The following ACAN variants were observed in gnomAD, a reference collection of about 807,000 sequenced individuals.
ACAN encodes aggrecan, also known as aggrecan core protein.
Under a neutral mutation model 169.1 loss-of-function variants are expected in ACAN, and 47 were observed. That is an observed-to-expected ratio of 0.28 (90% CI 0.22 to 0.35). The LOEUF (loss-of-function observed/expected upper bound fraction) is 0.35, where lower values mean the gene tolerates loss of function less well. ACAN is among the 10% of genes least tolerant of loss of function. ACAN has a pLI of 1.00. For missense variants in ACAN, 2,716 were observed against 2,759.9 expected, an observed-to-expected ratio of 0.98 and a Z score of 0.36; for synonymous variants, 1,115 against 1,112.2, an observed-to-expected ratio of 1.00 and a Z score of -0.05.
intron 5 of ACAN, among the ~76,000 whole-genome samples, chr15:88,842,682 A>G (rs1896695436): frequency 6.6e-6 from 1 of 152,190 alleles, no homozygotes; most frequent in Admixed American, 6.5e-5. Context: ...GTAACAAGTT[A>G]TTTGTGTGTT....
Position 88,849,713 on chromosome 15 carries a change from C to G in ACAN, c.2008C>G (p.His670Asp). 6.2e-7 allele frequency: 1 copy of G among 1,613,832 alleles called. No homozygotes were observed. Among genetic ancestry groups the G allele is most frequent in the South Asian group, 1.1e-5 (1 of 91,080 alleles). ...CCTCCCAGACCCACTGTCCCGGCAC[C>G]ATGCCTTCTGCTTCCGAGGTATGCA... ...TGLPDPLSRH[H>D]AFCFRGISAV... Residue 670 changes from histidine (H) to aspartate (D), a missense_variant, in exon 10 of 19, where the codon CAT (histidine) becomes GAT (aspartate). This residue lies in a region of ACAN where 1,283 missense variants were observed against 1,281.5 expected (regional missense o/e 1.00). Transcript: ENST00000560601. This position sits in a 1 kb window ranked among gnomAD's most constrained non-coding sequence, Gnocchi z 5.1.
Position 88,855,414 on chromosome 15 carries a change from C to T in ACAN, c.2829C>T (p.Ile943=). 6.2e-7 allele frequency: 1 copy of T among 1,613,810 alleles called. No homozygotes were observed. The highest frequency in any genetic ancestry group is 8.5e-7 in the Non-Finnish European group (1 of 1,179,848). ...TVGELPSGAE[I]LEGSASGVGD... ...GTGAACTGCCCTCTGGAGCTGAGAT[C>T]CTAGAGGGCTCTGCCTCTGGAGTTG... Residue 943 remains isoleucine, a synonymous_variant, in exon 12 of 19, where the codon ATC becomes ATT. Transcript: ENST00000560601.
At position 88,874,274 on chromosome 15, in the gene ACAN, A is replaced by G; in HGVS notation, c.7631-131A>G. The G allele has an allele frequency of 9.3e-7, 1 of 1,071,650 alleles. No individual in the cohort carries two copies. Among genetic ancestry groups the G allele is most frequent in the Non-Finnish European group, 1.4e-6 (1 of 718,724 alleles). The allele number at this position is 1,071,650 out of a possible 1,614,324, so 66.4% of individuals were successfully genotyped here. On this transcript the variant is annotated intron_variant, in intron 18 of 18. Coordinates refer to ENST00000560601, the MANE Select transcript of ACAN (RefSeq NM_001369268.1). This position sits in a 1 kb window ranked among gnomAD's most constrained non-coding sequence, Gnocchi z 7.3. ...AAGTCCAAGAAAAATCCAAATCAGGAAAGCCGATAAAGCCTCAGGCGCCTG... is the reference window on the plus strand; with the variant it reads ...AAGTCCAAGAAAAATCCAAATCAGGGAAGCCGATAAAGCCTCAGGCGCCTG...
At chr15:88,806,619 G>A (rs1895689871) in intron 1 of ACAN, among the ~76,000 whole-genome samples, 1 of 152,136 alleles carries the variant, frequency 6.6e-6, no homozygotes, top group Non-Finnish European at 1.5e-5. Flanking sequence ...AAAATGCTAG[G>A]ATTCAGGCGT....
At position 88,874,726 on chromosome 15, in the gene ACAN, T is replaced by A. The variant is rs531189005; in HGVS notation, c.*245T>A. The A allele has an allele frequency of 1.1e-4, 61 of 569,552 alleles. No homozygotes were observed. Among genetic ancestry groups the A allele is most frequent in the African/African-American group, 1.0e-3 (56 of 53,624 alleles). 35.3% of individuals were successfully genotyped at this position (569,552 alleles called of 1,614,324 possible). A position where few individuals can be genotyped will look rare whatever the true frequency, so the allele number is the denominator to read the frequency against. ...AACTTATTATAACCCTTGGACTGAG[T>A]TTAGAGACATTTCTTCAATTTCCCA... On this transcript the variant is annotated 3_prime_UTR_variant, in exon 19 of 19. Coordinates refer to ENST00000560601, the MANE Select transcript of ACAN (RefSeq NM_001369268.1). The surrounding 1 kb of genome is among the most constrained non-coding windows in gnomAD (Gnocchi z 7.3).
intron 4 of ACAN, among the ~76,000 whole-genome samples, chr15:88,840,401 G>A (rs541864610): frequency 2.2e-4 from 33 of 152,342 alleles, no homozygotes; most frequent in African/African-American, 7.5e-4. Flanking sequence ...CAAATGGGAT[G>A]AGGGACTGCT....
At position 88,857,373 on chromosome 15, in the gene ACAN, G is replaced by A; in HGVS notation, c.4788G>A (p.Leu1596=). ...LSGLPSGKED[L]VGSASGDLDL... is the part of the protein sequence containing the mutation. ...GGTTGCCTTCTGGAAAAGAAGACTTGGTGGGGTCAGCTTCTGGAGACTTGG... is the reference window on the plus strand; with the variant it reads ...GGTTGCCTTCTGGAAAAGAAGACTTAGTGGGGTCAGCTTCTGGAGACTTGG... Residue 1596 remains leucine (L), a synonymous_variant, in exon 12 of 19, where the codon TTG becomes TTA. Transcript: ENST00000560601. 2 of 1,613,908 alleles carry A rather than the reference G, an allele frequency of 1.2e-6. No homozygotes were observed. Among genetic ancestry groups the A allele is most frequent in the East Asian group, 4.5e-5 (2 of 44,884 alleles).
Position 88,857,650 on chromosome 15 carries a change from G to A in ACAN, c.5065G>A (p.Ala1689Thr), listed in dbSNP as rs758186439. Residue 1689 changes from alanine (A) to threonine (T), a missense_variant, in exon 12 of 19, where the codon GCA becomes ACA. Ala to Thr is a moderately conservative substitution (Grantham distance 58). Around this residue, in one of 3 missense-constraint regions of ACAN, gnomAD observed 1,389 missense variants for 1,363.7 expected, o/e 1.02. Transcript: ENST00000560601. ...EGRGTIGISG[A>T]GEISGLPSSE... ...GAGGGGAACCATTGGCATCAGTGGT[G>A]CAGGAGAAATATCTGGACTGCCCTC... is the stretch of plus-strand genomic sequence containing the variant. The A allele has an allele frequency of 1.2e-6, 2 of 1,614,036 alleles. No individual in the cohort carries two copies. The highest frequency in any genetic ancestry group is 1.7e-6 in the Non-Finnish European group (2 of 1,179,904).
At chr15:88,831,121 C>G (rs904807236) in intron 1 of ACAN, among the ~76,000 whole-genome samples, 1 of 152,202 alleles carries the variant, frequency 6.6e-6, no homozygotes, top group Non-Finnish European at 1.5e-5. Flanking sequence ...TTCAAACTAC[C>G]AGTGTGATGT....
At chr15:88,817,891 A>G (rs1840686771) in intron 1 of ACAN, among the ~76,000 whole-genome samples, 1 of 151,836 alleles carries the variant, frequency 6.6e-6, no homozygotes, top group Non-Finnish European at 1.5e-5. Flanking sequence ...AAAAGGAAAA[A>G]AAAGAAAAAA....
At chr15:88,819,456 C>T (rs1474024236) in intron 1 of ACAN, among the ~76,000 whole-genome samples, 2 of 152,086 alleles carry the variant, frequency 1.3e-5, no homozygotes, top group East Asian at 3.9e-4. Flanking sequence ...TAATTGAATC[C>T]ATGATTTAAA....
chr15:88,873,968 C>A lies in ACAN; in HGVS notation c.7574C>A (p.Thr2525Asn), dbSNP rs1897445685. 2 of 1,613,324 alleles carry A rather than the reference C, an allele frequency of 1.2e-6. No individual in the cohort carries two copies. Among genetic ancestry groups the A allele is most frequent in the African/African-American group, 1.3e-5 (1 of 75,048 alleles). ...GGGTTTGTCCAGCGCCACATGCCCA[C>A]CATCCGGTGCCAGCCCAGCGGGCAC... ...TEGFVQRHMP[T>N]IRCQPSGHWE... Residue 2525 changes from threonine to asparagine, a missense_variant, in exon 18 of 19, where the codon ACC becomes AAC. Thr to Asn is a moderately conservative substitution (Grantham distance 65, BLOSUM62 0). Around this residue, in one of 3 missense-constraint regions of ACAN, gnomAD observed 1,389 missense variants for 1,363.7 expected, o/e 1.02. Transcript: ENST00000560601. This position sits in a 1 kb window ranked among gnomAD's most constrained non-coding sequence, Gnocchi z 7.5.
intron 1 of ACAN, among the ~76,000 whole-genome samples, chr15:88,804,508 C>T (rs942419866): frequency 6.6e-6 from 1 of 152,120 alleles, no homozygotes; most frequent in Admixed American, 6.5e-5. Context: ...AGGGGCATTT[C>T]TCAAGGAAGA....
At chr15:88,867,027 T>A (rs1897291196) in intron 13 of ACAN, among the ~76,000 whole-genome samples, 1 of 152,200 alleles carries the variant, frequency 6.6e-6, no homozygotes, top group South Asian at 2.1e-4. Flanking sequence ...ACTGATCTCC[T>A]GGCAAGAGGA....
intron 12 of ACAN, 64 bp downstream of exon 12, chr15:88,859,481 CAGA>C: frequency 3.2e-6 from 5 of 1,547,544 alleles, no homozygotes; most frequent in Non-Finnish European, 4.4e-6. Context: ...TACTGCAGCA[CAGA>C]AGGAGGCAGC....
chr15:88,841,613 A>C, intron 4 of ACAN, 127 bp from the exon 5 acceptor site: 1 of 1,226,104 alleles, frequency 8.2e-7, no homozygotes, highest in Non-Finnish European at 1.2e-6. Context: ...TGACATATTC[A>C]GAAGAGACAT....
Position 88,814,862 on chromosome 15 carries a change from A to G in ACAN, c.-8+11053A>G, listed in dbSNP as rs1485258804. ...AGGGCTGGGGGCTGCCTCTGGCCCT[A>G]CCGAACTCTGCCTCCATCCCCTGTC... On this transcript the variant is annotated intron_variant, in intron 1 of 18. Transcript: ENST00000560601. The surrounding 1 kb of genome is among the most constrained non-coding windows in gnomAD (Gnocchi z 4.0). Among the ~76,000 whole-genome samples the G allele has an allele frequency of 6.6e-6, 1 of 152,112 alleles. No homozygotes were observed. Among genetic ancestry groups the G allele is most frequent in the African/African-American group, 2.4e-5 (1 of 41,440 alleles).
rs147745141 is a variant in ACAN, at chr15:88,840,947, A to G, written c.629+761A>G. On this transcript the variant is annotated intron_variant, in intron 4 of 18. Transcript: ENST00000560601. ...ATCACGAAGTCAGGAGATCGAGACCATCCTAGCTAACATGGTGAAACCCCA... is the reference window on the plus strand; with the variant it reads ...ATCACGAAGTCAGGAGATCGAGACCGTCCTAGCTAACATGGTGAAACCCCA... 6.3e-3 allele frequency among the ~76,000 whole-genome samples: 955 copies of G among 152,306 alleles called. 10 individuals are homozygous for G. Among genetic ancestry groups the G allele is most frequent in the African/African-American group, 0.021 (877 of 41,568 alleles).
At position 88,839,939 on chromosome 15, in the gene ACAN, C is replaced by G. The variant is rs1360046860; in HGVS notation, c.455-73C>G. 6 of 1,523,998 alleles carry G rather than the reference C, an allele frequency of 3.9e-6. No homozygotes were observed. The African/African-American group carries it at 4.1e-5, about 10-fold the overall frequency. 94.4% of individuals were successfully genotyped at this position (1,523,998 alleles called of 1,614,324 possible). ...GGTCCCTTTGACTATTGCCATAATT[C>G]TGCGAGGGCCTCGGTGATCAGAGAC... On this transcript the variant is annotated intron_variant, in intron 3 of 18. Transcript: ENST00000560601. This position sits in a 1 kb window ranked among gnomAD's most constrained non-coding sequence, Gnocchi z 4.5.
Sources: allele counts gnomAD v4.1 joint callset (sites outside exome capture counted in the v4.1 genomes callset), GRCh38; gene constraint gnomAD v4.1.1; regional missense constraint gnomAD v4.1.1; non-coding constraint Gnocchi (gnomAD v3.1); transcripts MANE v1.5; gene names NCBI Gene and HGNC (gene_info 2026-07-23, HGNC 2026-07-21).